Variants in IGF2BP2 observed in about 807,000 individuals in gnomAD.
The protein encoded by IGF2BP2 is insulin like growth factor 2 mRNA binding protein 2.
Under a neutral mutation model 75.8 loss-of-function variants are expected in IGF2BP2, and 17 were observed. That is an observed-to-expected ratio of 0.22 (90% CI 0.15 to 0.34). The LOEUF (loss-of-function observed/expected upper bound fraction) is 0.34, where lower values mean the gene tolerates loss of function less well. IGF2BP2 is among the 10% of genes least tolerant of loss of function. The probability of loss-of-function intolerance (pLI) is 1.00; values close to 1 mark genes in which losing one functional copy is unlikely to be tolerated. For missense variants in IGF2BP2, 516 were observed against 772.4 expected (o/e 0.67, Z 3.93); for synonymous variants, 288 against 295.6 (o/e 0.97, Z 0.26).
chr3:185,819,234 AC>A (rs1333006086), intron 2 of IGF2BP2, among the ~76,000 whole-genome samples: 1 of 152,150 alleles, frequency 6.6e-6, no homozygotes, highest in Non-Finnish European at 1.5e-5. Context: ...ACTACATATC[AC>A]AAATCACCTT....
chr3:185,738,451 G>A (rs1343520261), intron 2 of IGF2BP2, among the ~76,000 whole-genome samples: 2 of 152,160 alleles, frequency 1.3e-5, no homozygotes, highest in Non-Finnish European at 2.9e-5. Flanking sequence ...AACAGCCTAG[G>A]GGAGTCAGGA....
At chr3:185,679,845 A>C (rs1720115555) in intron 7 of IGF2BP2, among the ~76,000 whole-genome samples, 1 of 152,072 alleles carries the variant, frequency 6.6e-6, no homozygotes, top group Non-Finnish European at 1.5e-5. Flanking sequence ...TCAACTCCTG[A>C]CCTTGTGATC....
intron 10 of IGF2BP2, among the ~76,000 whole-genome samples, chr3:185,659,836 C>T (rs1335306295): frequency 1.3e-5 from 2 of 151,608 alleles, no homozygotes; most frequent in African/African-American, 4.9e-5. Context: ...CACTCGTTGA[C>T]TAGGCTGGAG....
At chr3:185,759,954 C>A (rs1048558633) in intron 2 of IGF2BP2, among the ~76,000 whole-genome samples, 2 of 152,104 alleles carry the variant, frequency 1.3e-5, no homozygotes, top group Non-Finnish European at 2.9e-5. Flanking sequence ...TATACCATAC[C>A]CACTGGATTA....
intron 12 of IGF2BP2, among the ~76,000 whole-genome samples, chr3:185,656,751 G>A (rs1007759851): frequency 1.3e-5 from 2 of 152,232 alleles, no homozygotes; most frequent in African/African-American, 4.8e-5. Context: ...CTGCAGCCAC[G>A]TCTGCATTCG....
chr3:185,758,187 T>C (rs779151766), intron 2 of IGF2BP2, among the ~76,000 whole-genome samples: 3 of 152,226 alleles, frequency 2.0e-5, no homozygotes, highest in Non-Finnish European at 2.9e-5. Context: ...ACATGGGTAC[T>C]GTCAAAGAGT....
chr3:185,770,124 C>G (rs1242001266), intron 2 of IGF2BP2, among the ~76,000 whole-genome samples: 1 of 152,158 alleles, frequency 6.6e-6, no homozygotes, highest in Non-Finnish European at 1.5e-5. Context: ...GGAAGCAGAA[C>G]TGGGGGATGG....
At chr3:185,703,018 C>A (rs1291161783) in intron 2 of IGF2BP2, among the ~76,000 whole-genome samples, 2 of 152,198 alleles carry the variant, frequency 1.3e-5, no homozygotes, top group Admixed American at 1.3e-4. Flanking sequence ...TTCAAGTAAA[C>A]TAAGTGTGTG....
rs533806491 is a variant in IGF2BP2, at chr3:185,677,734, T to C, written c.813-1821A>G. Among the ~76,000 whole-genome samples, 3 of 152,064 alleles carry C rather than the reference T, an allele frequency of 2.0e-5. No individual in the cohort carries two copies. In the South Asian group the frequency reaches 6.2e-4, roughly 32 times the overall value. On this transcript the variant is annotated intron_variant, in intron 7 of 15. Transcript: ENST00000382199. ...TAAATAAAGTCAGAAAAATTATGCA[T>C]GAACAAAATGAGAATATCAACAAAG... is the stretch of plus-strand genomic sequence containing the variant.
intron 2 of IGF2BP2, among the ~76,000 whole-genome samples, chr3:185,792,778 A>C (rs1189852529): frequency 6.6e-6 from 1 of 151,982 alleles, no homozygotes; most frequent in Non-Finnish European, 1.5e-5. Context: ...AAAAAAAAAA[A>C]AAATACAGAG....
chr3:185,690,066 A>G (rs1230078979), intron 5 of IGF2BP2, among the ~76,000 whole-genome samples: 5 of 152,106 alleles, frequency 3.3e-5, no homozygotes, highest in African/African-American at 1.2e-4. Flanking sequence ...CTGAACATAC[A>G]GTGGTGAGCA....
chr3:185,664,037 G>A (rs568946134), intron 10 of IGF2BP2, among the ~76,000 whole-genome samples: 35 of 152,338 alleles, frequency 2.3e-4, no homozygotes, highest in Middle Eastern at 3.4e-3. Flanking sequence ...AAGGGGCGAC[G>A]ACTTGGCCGG....
chr3:185,654,559 A>G (rs1425726012), intron 12 of IGF2BP2, among the ~76,000 whole-genome samples: 1 of 152,238 alleles, frequency 6.6e-6, no homozygotes, highest in African/African-American at 2.4e-5. Flanking sequence ...AGATTCTGAA[A>G]GAAACCTCCG....
In IGF2BP2 at chr3:185,816,046, C is replaced by T. The variant is rs542764609; in HGVS notation, c.239+7107G>A. Among the ~76,000 whole-genome samples, 4 of 152,212 alleles carry T rather than the reference C, an allele frequency of 2.6e-5. No homozygotes were observed. The South Asian group carries it at 8.3e-4, about 32-fold the overall frequency. On this transcript the variant is annotated intron_variant, in intron 2 of 15. Transcript: ENST00000382199. The stretch of plus-strand genomic sequence containing the variant: ...TCTGGGAAAGACCTGGCAGTTCCTA[C>T]CAGGGAAACACGTAAACCACAACAC...
intron 13 of IGF2BP2, among the ~76,000 whole-genome samples, chr3:185,649,814 G>A (rs1225560201): frequency 1.3e-5 from 2 of 152,192 alleles, no homozygotes; most frequent in African/African-American, 4.8e-5. Flanking sequence ...GTGTGTCAGG[G>A]CTAAGGGGAT....
At chr3:185,787,167 G>A (rs1053487854) in intron 2 of IGF2BP2, among the ~76,000 whole-genome samples, 1 of 152,184 alleles carries the variant, frequency 6.6e-6, no homozygotes, top group Non-Finnish European at 1.5e-5. Context: ...AATGGGTATA[G>A]AGTTTCTGTT....
Position 185,662,745 on chromosome 3 carries a change from G to T in IGF2BP2, c.1201-4336C>A, listed in dbSNP as rs567054652. 1.4e-3 allele frequency among the ~76,000 whole-genome samples: 213 copies of T among 152,046 alleles called. 2 individuals are homozygous for T. The highest frequency in any genetic ancestry group is 2.9e-3 in the Non-Finnish European group (194 of 68,004). ...TTTAGTAGAGATGGGGTTTCACCATGTTGGTCAGGCTGGTCTCAAACTCCT... is the reference window on the plus strand; with the variant it reads ...TTTAGTAGAGATGGGGTTTCACCATTTTGGTCAGGCTGGTCTCAAACTCCT... On this transcript the variant is annotated intron_variant, in intron 10 of 15. Transcript: ENST00000382199.
At chr3:185,780,718 C>G (rs1735101695) in intron 2 of IGF2BP2, among the ~76,000 whole-genome samples, 1 of 152,130 alleles carries the variant, frequency 6.6e-6, no homozygotes, top group African/African-American at 2.4e-5. Flanking sequence ...GATATGAATT[C>G]TACCTAAATG....
At chr3:185,747,794 C>T (rs1730442079) in intron 2 of IGF2BP2, among the ~76,000 whole-genome samples, 2 of 146,038 alleles carry the variant, frequency 1.4e-5, no homozygotes, top group South Asian at 4.4e-4. Flanking sequence ...TCAAAGGTGC[C>T]TTCCTATCAC....
Sources: gnomAD v4.1 joint callset for allele counts (sites outside exome capture counted in the v4.1 genomes callset) on GRCh38, gnomAD v4.1.1 for gene constraint, MANE v1.5 for transcripts, NCBI Gene and HGNC (gene_info 2026-07-23, HGNC 2026-07-21) for gene names.